Variants in MROH1 observed in about 807,000 individuals in gnomAD.
MROH1 encodes maestro heat-like repeat-containing protein family member 1.
Under a neutral mutation model 116.5 loss-of-function variants are expected in MROH1, and 117 were observed. The observed-to-expected ratio is 1.00, with a 90% CI of 0.86 to 1.17. The LOEUF (loss-of-function observed/expected upper bound fraction) is 1.17, where lower values mean the gene tolerates loss of function less well. Ranked by LOEUF, MROH1 falls within the 50% of genes most tolerant of loss-of-function variation. The probability of loss-of-function intolerance (pLI) is 0.00; values close to 1 mark genes in which losing one functional copy is unlikely to be tolerated. For synonymous variants in MROH1, 921 were observed against 583.9 expected (o/e 1.58, Z -8.32); for missense variants, 1,873 against 1,338.5 (o/e 1.40, Z -6.23).
intron 39 of MROH1, 136 bp downstream of exon 39, chr8:144,260,510 G>T: frequency 1.4e-6 from 1 of 715,426 alleles, no homozygotes; most frequent in Non-Finnish European, 2.5e-6. Context: ...GGACCTGCAG[G>T]GCTGCTGCTT....
chr8:144,220,702 A>T (rs1836532007), intron 13 of MROH1, 29 bp downstream of exon 13: 12 of 1,546,044 alleles, frequency 7.8e-6, no homozygotes, highest in Non-Finnish European at 9.6e-6. Context: ...CCCAGGCTGC[A>T]CCACCACACC....
At chr8:144,168,044 C>T (rs915201247) in intron 3 of MROH1, among the ~76,000 whole-genome samples, 1 of 152,174 alleles carries the variant, frequency 6.6e-6, no homozygotes, top group Non-Finnish European at 1.5e-5. Context: ...TGTGTCCTGG[C>T]CAGGCAGCTC....
chr8:144,190,532 T>C (rs1398865457), intron 7 of MROH1, among the ~76,000 whole-genome samples: 1 of 152,268 alleles, frequency 6.6e-6, no homozygotes, highest in East Asian at 1.9e-4. Context: ...CACACCAGCC[T>C]GAGTGACAGA....
chr8:144,207,012 G>A (rs1011109038), intron 12 of MROH1, among the ~76,000 whole-genome samples: 30 of 151,492 alleles, frequency 2.0e-4, no homozygotes, highest in African/African-American at 6.5e-4. Flanking sequence ...CAGCCTGGGC[G>A]ACAGAGCGAG....
rs73370499 is a variant in MROH1, at chr8:144,234,537, A to T, written c.1339-4219A>T. ...TTTTTTTTTTTTTTTTTTTTTTTCA[A>T]AAAGAGTCTTGCTCTGTCTCCCAGG... On this transcript the variant is annotated intron_variant, in intron 14 of 43. Transcript: ENST00000326134. 2.9e-4 allele frequency among the ~76,000 whole-genome samples: 23 copies of T among 77,982 alleles called. 3 individuals are homozygous for T. The highest frequency in any genetic ancestry group is 4.9e-4 in the South Asian group (1 of 2,042). The allele number at this position is 77,982 out of a possible 152,430, so 51.2% of individuals were successfully genotyped here.
At chr8:144,169,370 G>A (rs11989162) in intron 4 of MROH1, among the ~76,000 whole-genome samples, 19,999 of 151,922 alleles carry the variant, frequency 0.13, 3,036 homozygotes, top group African/African-American at 0.37. Context: ...ACTTCCTGGG[G>A]CAGGGTCTCT....
chr8:144,243,937 C>T lies in MROH1; in HGVS notation c.2550C>T (p.Tyr850=). ...IRKKAMLTCT[Y]LVSVEPALDE... Reference sequence around the variant, plus strand: ...AGAAAGCCATGCTCACCTGCACTTACTTGGTGTATCCTTTCCTGCCTCTGC... The same window carrying T: ...AGAAAGCCATGCTCACCTGCACTTATTTGGTGTATCCTTTCCTGCCTCTGC... Residue 850 remains tyrosine (Y), a synonymous_variant, in exon 26 of 44, where the codon TAC becomes TAT. Coordinates refer to ENST00000326134, the MANE Select transcript of MROH1 (RefSeq NM_032450.3). The T allele has an allele frequency of 3.8e-6, 3 of 780,300 alleles. No individual in the cohort carries two copies. Among genetic ancestry groups the T allele is most frequent in the Non-Finnish European group, 7.2e-6 (3 of 417,656 alleles). 48.3% of individuals were successfully genotyped at this position (780,300 alleles called of 1,614,324 possible). A position where few individuals can be genotyped will look rare whatever the true frequency, so the allele number is the denominator to read the frequency against.
intron 12 of MROH1, chr8:144,213,006 C>T: frequency 2.6e-6 from 2 of 778,404 alleles, no homozygotes; most frequent in Non-Finnish European, 4.8e-6. Context: ...AGCACTAACA[C>T]CAGAATAACA....
chr8:144,180,586 A>C lies in MROH1; in HGVS notation c.562+63A>C. ...CCTTTGTGGGGGGCTGTTCCCGGGC[A>C]TGCCTGTTTTAGGGGGGACAGGTGG... On this transcript the variant is annotated intron_variant, in intron 7 of 43. Coordinates refer to ENST00000326134, the MANE Select transcript of MROH1 (RefSeq NM_032450.3). The surrounding 1 kb of genome is among the most constrained non-coding windows in gnomAD (Gnocchi z 7.4). The C allele has an allele frequency of 2.0e-6, 3 of 1,483,770 alleles. No homozygotes were observed. The highest frequency in any genetic ancestry group is 2.8e-6 in the Non-Finnish European group (3 of 1,085,268). The allele number at this position is 1,483,770 out of a possible 1,614,324, so 91.9% of individuals were successfully genotyped here.
At chr8:144,209,845 G>A (rs932709463) in intron 12 of MROH1, among the ~76,000 whole-genome samples, 3 of 149,780 alleles carry the variant, frequency 2.0e-5, no homozygotes, top group African/African-American at 7.4e-5. Context: ...GGTCGAGGCT[G>A]CAGTGAGCTG....
Position 144,244,265 on chromosome 8 carries a change from A to G in MROH1, c.2599A>G (p.Ile867Val), listed in dbSNP as rs1841506896. Residue 867 changes from isoleucine (I) to valine (V), a missense_variant, in exon 27 of 44, where the codon ATC becomes GTC. Transcript: ENST00000326134. The stretch of plus-strand genomic sequence containing the variant: ...GGACGAGCAGGCCCGGGCGGATGTG[A>G]TCCATGGCTGCCTGCACAGCATCAT... The part of the protein sequence containing the change: ...ALDEQARADV[I>V]HGCLHSIMAL... 1.4e-6 allele frequency: 1 copy of G among 718,672 alleles called. No homozygotes were observed. Among genetic ancestry groups the G allele is most frequent in the Non-Finnish European group, 2.6e-6 (1 of 385,150 alleles). The allele number at this position is 718,672 out of a possible 1,614,324, so 44.5% of individuals were successfully genotyped here. A position where few individuals can be genotyped will look rare whatever the true frequency, so the allele number is the denominator to read the frequency against.
chr8:144,246,328 C>T (rs1344720977), intron 29 of MROH1, among the ~76,000 whole-genome samples: 1 of 151,938 alleles, frequency 6.6e-6, no homozygotes, highest in Non-Finnish European at 1.5e-5. Flanking sequence ...TTGAACTGGT[C>T]TTGAATTCCC....
chr8:144,156,708 CAA>C (rs1176108997), intron 1 of MROH1, among the ~76,000 whole-genome samples: 2,887 of 55,860 alleles, frequency 0.052, 33 homozygotes, highest in African/African-American at 0.18. Context: ...GACTCTGTCT[CAA>C]AAAAAAAAAA....
chr8:144,246,847 C>T (rs1467132534), intron 29 of MROH1, among the ~76,000 whole-genome samples: 1 of 152,196 alleles, frequency 6.6e-6, no homozygotes, highest in Non-Finnish European at 1.5e-5. Context: ...AGGAGCAGGA[C>T]TGAGGAGAGC....
At chr8:144,169,146 C>T (rs938539814) in intron 4 of MROH1, among the ~76,000 whole-genome samples, 2 of 152,216 alleles carry the variant, frequency 1.3e-5, no homozygotes, top group African/African-American at 4.8e-5. Context: ...GTTATGCACG[C>T]TTTCTAGTTT....
intron 11 of MROH1, 147 bp downstream of exon 11, chr8:144,199,347 T>C (rs1224502412): frequency 2.0e-5 from 16 of 780,694 alleles, no homozygotes; most frequent in Non-Finnish European, 2.9e-5. Context: ...TACCTGTGGC[T>C]CCAGAGGCCT....
chr8:144,243,232 TCTC>T (rs1232768476), intron 24 of MROH1, among the ~76,000 whole-genome samples: 2 of 152,242 alleles, frequency 1.3e-5, no homozygotes, highest in Non-Finnish European at 2.9e-5. Context: ...GGAGGACTCT[TCTC>T]CTGCTGTGGG....
chr8:144,250,655 C>T (rs1842701023), intron 33 of MROH1: 2 of 501,228 alleles, frequency 4.0e-6, no homozygotes, highest in African/African-American at 3.9e-5. Flanking sequence ...GGTCCCAAAA[C>T]TGCCTGGCTG....
intron 12 of MROH1, among the ~76,000 whole-genome samples, chr8:144,209,074 T>TGTGTGTGTGTGTGTG (rs1833515725): frequency 1.4e-5 from 2 of 138,166 alleles, no homozygotes; most frequent in African/African-American, 5.4e-5. Context: ...TGTGTGTGTG[T>TGTGTGTGTGTGTGTG]TTAGTGGAGA....
Sources: gnomAD v4.1 joint callset for allele counts (sites outside exome capture counted in the v4.1 genomes callset) on GRCh38, gnomAD v4.1.1 for gene constraint, Gnocchi (gnomAD v3.1) non-coding constraint, MANE v1.5 for transcripts, NCBI Gene and HGNC (gene_info 2026-07-23, HGNC 2026-07-21) for gene names.